Variants in DZIP3 observed in about 807,000 individuals in gnomAD.
DZIP3 encodes E3 ubiquitin-protein ligase DZIP3.
A neutral mutation model predicts 162.0 loss-of-function variants in DZIP3; 118 were observed. The ratio of observed to expected loss-of-function variants is 0.73; its 90% confidence interval spans 0.63 to 0.85. The LOEUF is 0.85. Ranked by LOEUF, DZIP3 falls within the 40% of genes least tolerant of loss-of-function variation. DZIP3 has a pLI of 0.00. For missense variants in DZIP3, 1,331 were observed against 1,407.0 expected (o/e 0.95, Z 0.86); for synonymous variants, 438 against 458.6 (o/e 0.96, Z 0.57).
intron 21 of DZIP3, among the ~76,000 whole-genome samples, chr3:108,663,524 C>T (rs1429215048): frequency 6.6e-6 from 1 of 150,662 alleles, no homozygotes; most frequent in Admixed American, 6.6e-5. Context: ...CCGTTGCACT[C>T]CAGTCTGGGG....
chr3:108,672,726 G>A, intron 23 of DZIP3, 70 bp downstream of exon 23: 1 of 1,180,104 alleles, frequency 8.5e-7, no homozygotes, highest in Non-Finnish European at 1.2e-6. Context: ...TCATACTAAA[G>A]AATTTGTAAA....
In DZIP3 at chr3:108,644,346, A is replaced by G. The variant is rs549431216; in HGVS notation, c.1324A>G (p.Asn442Asp). 29 of 1,614,094 alleles carry G rather than the reference A, an allele frequency of 1.8e-5. No individual in the cohort carries two copies. The South Asian group carries it at 2.4e-4, about 13-fold the overall frequency. The change falls in exon 14 of 33, where the codon AAT becomes GAT. Residue 442 changes from asparagine to aspartate, a missense_variant. Asn to Asp is a conservative substitution (Grantham distance 23). Coordinates refer to ENST00000361582, the MANE Select transcript of DZIP3 (RefSeq NM_014648.4). ...LESYYNHLWTNHPLGGSWHLL... is the reference protein window; with the variant it reads ...LESYYNHLWTDHPLGGSWHLL... ...ATCCTACTACAACCATCTTTGGACC[A>G]ATCATCCTTTGGGTGGATCATGGCA...
At position 108,686,563 on chromosome 3, in the gene DZIP3, C is replaced by T; in HGVS notation, c.3128C>T (p.Thr1043Ile). 1 of 1,608,978 alleles carries T rather than the reference C, an allele frequency of 6.2e-7. No homozygotes were observed. Among genetic ancestry groups the T allele is most frequent in the Non-Finnish European group, 8.5e-7 (1 of 1,178,344 alleles). ...GAGAGAATTACAGACAGGCTGAAAA[C>T]TGCCTTTCCACAGCAAACCAGGTAC... The part of the protein sequence containing the change: ...NWERITDRLK[T>I]AFPQQTRKEL... Residue 1043 changes from threonine (T) to isoleucine (I), a missense_variant, in exon 28 of 33, where the codon ACT (threonine) becomes ATT (isoleucine). Physicochemically the swap from Thr to Ile is moderately conservative, Grantham distance 89 (BLOSUM62 -1). This residue lies in a region of DZIP3 where 1,278 missense variants were observed against 1,317.1 expected (regional missense o/e 0.97). Transcript: ENST00000361582.
chr3:108,626,816 A>T (rs561067380), intron 7 of DZIP3, among the ~76,000 whole-genome samples: 1 of 152,322 alleles, frequency 6.6e-6, no homozygotes, highest in Non-Finnish European at 1.5e-5. Flanking sequence ...TGTTTCCTGG[A>T]GGCTGGTTCT....
At chr3:108,668,169 G>A (rs1943759000) in intron 21 of DZIP3, among the ~76,000 whole-genome samples, 1 of 152,050 alleles carries the variant, frequency 6.6e-6, no homozygotes, top group Non-Finnish European at 1.5e-5. Context: ...CAGTTGAAGT[G>A]TTAACAAAGA....
chr3:108,638,756 C>T (rs1942266340), intron 12 of DZIP3, among the ~76,000 whole-genome samples: 1 of 152,126 alleles, frequency 6.6e-6, no homozygotes, highest in African/African-American at 2.4e-5. Context: ...TTACTTTATC[C>T]AGTCTGTTGT....
intron 1 of DZIP3, among the ~76,000 whole-genome samples, chr3:108,602,096 T>C (rs1435191364): frequency 1.3e-5 from 2 of 152,190 alleles, no homozygotes; most frequent in African/African-American, 4.8e-5. Flanking sequence ...GGTAACATTT[T>C]AGTCAAGATG....
At chr3:108,599,135 A>G (rs1442183271) in intron 1 of DZIP3, among the ~76,000 whole-genome samples, 3 of 152,352 alleles carry the variant, frequency 2.0e-5, no homozygotes, top group Non-Finnish European at 4.4e-5. Context: ...ATGAGTATAC[A>G]TTATAAGGCA....
chr3:108,669,785 C>T (rs1283723407), intron 22 of DZIP3, 36 bp downstream of exon 22: 1 of 1,491,330 alleles, frequency 6.7e-7, no homozygotes. Context: ...TGCACTCTCT[C>T]TGAAACTGTA....
chr3:108,592,090 G>A lies in DZIP3; in HGVS notation c.-73+2251G>A, dbSNP rs531872432. On this transcript the variant is annotated intron_variant, in intron 1 of 32. Transcript: ENST00000361582. ...CGTGGCAATCTCTGGTTTTAAACTGGCACCTGGTCTAGTCAGGTTTGTTTT... is the reference window on the plus strand; with the variant it reads ...CGTGGCAATCTCTGGTTTTAAACTGACACCTGGTCTAGTCAGGTTTGTTTT... Among the ~76,000 whole-genome samples, 17 of 152,204 alleles carry A rather than the reference G, an allele frequency of 1.1e-4. No individual in the cohort carries two copies. In the South Asian group the frequency reaches 3.5e-3, roughly 32 times the overall value.
rs959127561 is a variant in DZIP3 at position 108,616,522 on chromosome 3, A to G, written c.259-19A>G. On this transcript the variant is annotated intron_variant, in intron 4 of 32. Transcript: ENST00000361582. ...TTGTTCAGACTTATAGACATTTTTAACTGAATAATTTTCCACAGAGAGAAG... is the reference window on the plus strand; with the variant it reads ...TTGTTCAGACTTATAGACATTTTTAGCTGAATAATTTTCCACAGAGAGAAG... 1.3e-6 allele frequency: 2 copies of G among 1,535,062 alleles called. No homozygotes were observed. The highest frequency in any genetic ancestry group is 1.7e-5 in the Admixed American group (1 of 57,726).
chr3:108,616,265 A>AAAAT (rs200164808), intron 4 of DZIP3, among the ~76,000 whole-genome samples: 24,226 of 145,206 alleles, frequency 0.17, 2,297 homozygotes, highest in East Asian at 0.44. Flanking sequence ...CTCCATCTCA[A>AAAAT]AAATAAATAA....
At chr3:108,651,235 G>A in intron 18 of DZIP3, 73 bp downstream of exon 18, 1 of 526,406 alleles carries the variant, frequency 1.9e-6, no homozygotes. Context: ...TATGACACAG[G>A]CTTCCTTCCT....
intron 26 of DZIP3, among the ~76,000 whole-genome samples, chr3:108,682,548 G>A: frequency 6.6e-6 from 1 of 150,848 alleles, no homozygotes; most frequent in Non-Finnish European, 1.5e-5. Flanking sequence ...TCCCACGCAT[G>A]TGGAATCTAA....
At chr3:108,654,485 A>T in intron 19 of DZIP3, 175 bp downstream of exon 19, 2 of 648,346 alleles carry the variant, frequency 3.1e-6, no homozygotes, top group East Asian at 6.0e-5. Flanking sequence ...ATAAGGAAAA[A>T]AAAGAACGCC....
intron 14 of DZIP3, among the ~76,000 whole-genome samples, chr3:108,645,187 T>G (rs1463330855): frequency 1.3e-5 from 2 of 152,188 alleles, no homozygotes; most frequent in African/African-American, 4.8e-5. Context: ...GAGGATTTTT[T>G]TGTCACATTA....
In DZIP3 at chr3:108,693,607, G is replaced by C. The variant is rs1232593792; in HGVS notation, c.*254G>C. 1 of 152,108 alleles carries C rather than the reference G, an allele frequency of 6.6e-6. No homozygotes were observed. Among genetic ancestry groups the C allele is most frequent in the Non-Finnish European group, 1.5e-5 (1 of 68,016 alleles). 9.4% of individuals were successfully genotyped at this position (152,108 alleles called of 1,614,324 possible). A position where few individuals can be genotyped will look rare whatever the true frequency, so the allele number is the denominator to read the frequency against. On this transcript the variant is annotated 3_prime_UTR_variant, in exon 33 of 33. Coordinates refer to ENST00000361582, the MANE Select transcript of DZIP3 (RefSeq NM_014648.4). ...CTTTACCAGCATACCACTGGACCTT[G>C]TCTAAAATTTCTTTGTGTTCCCAGT...
chr3:108,614,685 T>G (rs1450305600), intron 4 of DZIP3, among the ~76,000 whole-genome samples: 1 of 152,100 alleles, frequency 6.6e-6, no homozygotes, highest in African/African-American at 2.4e-5. Context: ...CCCAAGGAAT[T>G]AATATTCCCC....
chr3:108,684,482 T>C, intron 27 of DZIP3, 141 bp downstream of exon 27: 1 of 1,042,708 alleles, frequency 9.6e-7, no homozygotes, highest in Non-Finnish European at 1.4e-6. Flanking sequence ...GAATACTTCC[T>C]GTGAAGCACT....
Sources: allele counts gnomAD v4.1 joint callset (sites outside exome capture counted in the v4.1 genomes callset), GRCh38; gene constraint gnomAD v4.1.1; regional missense constraint gnomAD v4.1.1; transcripts MANE v1.5; gene names NCBI Gene and HGNC (gene_info 2026-07-23, HGNC 2026-07-21).